HERC3: variants seen among roughly 807,000 people sequenced by gnomAD.
HERC3 encodes the protein probable E3 ubiquitin-protein ligase HERC3.
In HERC3, 58 loss-of-function variants were observed where a neutral mutation model predicts 129.9. The observed-to-expected ratio is 0.45, with a 90% confidence interval of 0.36 to 0.56. HERC3 has a LOEUF of 0.56. Among genes scored for constraint, HERC3 ranks in the 20% least tolerant of loss-of-function variants. HERC3 has a pLI of 0.00. For synonymous variants in HERC3, 430 were observed against 451.0 expected (o/e 0.95, Z 0.59); for missense variants, 835 against 1,244.2 (o/e 0.67, Z 4.95).
the HERC3 span, among the ~76,000 whole-genome samples, chr4:88,545,430 CT>C: frequency 5.8e-3 from 635 of 110,396 alleles, 5 homozygotes; most frequent in East Asian, 0.021. Flanking sequence ...TTTGAGAATT[CT>C]TTTTTTTTTT....
intron 2 of HERC3, among the ~76,000 whole-genome samples, chr4:88,603,099 AC>A (rs1174244706): frequency 3.3e-5 from 5 of 152,082 alleles, no homozygotes; most frequent in Non-Finnish European, 7.4e-5. Flanking sequence ...AGTGTTAGAC[AC>A]CACTGTTCTC....
chr4:88,654,335 T>A (rs1729609636), intron 7 of HERC3, among the ~76,000 whole-genome samples: 1 of 138,266 alleles, frequency 7.2e-6, no homozygotes, highest in African/African-American at 2.7e-5. Flanking sequence ...TCTTTGGTAA[T>A]CTTGTAGATT....
chr4:88,566,071 C>G, the HERC3 span, among the ~76,000 whole-genome samples: 3 of 151,994 alleles, frequency 2.0e-5, no homozygotes, highest in Non-Finnish European at 4.4e-5. Flanking sequence ...TATTTCATCA[C>G]CCATGTATTA....
intron 10 of HERC3, 123 bp from the exon 11 acceptor site, chr4:88,662,308 C>T (rs771643165): frequency 2.1e-5 from 19 of 920,856 alleles, no homozygotes; most frequent in Middle Eastern, 3.1e-4. Flanking sequence ...GGGATCTGGG[C>T]GGCACACTGC....
At chr4:88,582,473 G>C in the HERC3 span, among the ~76,000 whole-genome samples, 1 of 152,116 alleles carries the variant, frequency 6.6e-6, no homozygotes. Flanking sequence ...CTGACCTGCT[G>C]TTCCCCATCT....
At chr4:88,601,208 T>C (rs1722924903) in intron 2 of HERC3, among the ~76,000 whole-genome samples, 1 of 152,244 alleles carries the variant, frequency 6.6e-6, no homozygotes, top group African/African-American at 2.4e-5. Context: ...TTCAGTTTTA[T>C]ATTTTATTTT....
At chr4:88,642,929 A>T (rs28889966) in intron 3 of HERC3, among the ~76,000 whole-genome samples, 5,694 of 151,690 alleles carry the variant, frequency 0.038, 130 homozygotes, top group Middle Eastern at 0.12. Flanking sequence ...TGTGGGTGGC[A>T]GGGGGAAGCA....
intron 3 of HERC3, among the ~76,000 whole-genome samples, chr4:88,625,350 T>G (rs1725979948): frequency 6.6e-6 from 1 of 152,150 alleles, no homozygotes; most frequent in Non-Finnish European, 1.5e-5. Context: ...CTCTATATTT[T>G]AGGTCTTCTT....
At chr4:88,677,083 C>T (rs751371159) in intron 18 of HERC3, among the ~76,000 whole-genome samples, 1 of 151,656 alleles carries the variant, frequency 6.6e-6, no homozygotes, top group African/African-American at 2.4e-5. Flanking sequence ...TTCAGTGAGC[C>T]GAGATTGCGC....
intron 12 of HERC3, 36 bp from the exon 13 acceptor site, chr4:88,667,341 C>G (rs1190323884): frequency 3.4e-6 from 4 of 1,192,542 alleles, no homozygotes; most frequent in Non-Finnish European, 4.8e-6. Context: ...TTTGCTTTTT[C>G]TTTTATTATA....
the HERC3 span, among the ~76,000 whole-genome samples, chr4:88,548,532 G>A: frequency 2.0e-5 from 3 of 151,736 alleles, no homozygotes; most frequent in East Asian, 3.9e-4. Context: ...TCCTTTGCAC[G>A]TTTTTCAATT....
intron 23 of HERC3, chr4:88,697,050 A>G (rs914289051): frequency 1.5e-6 from 1 of 659,124 alleles, no homozygotes; most frequent in Non-Finnish European, 2.4e-6. Flanking sequence ...GCCAGGATCT[A>G]ATTGCTTTAA....
chr4:88,636,404 A>G (rs1414410436), intron 3 of HERC3, among the ~76,000 whole-genome samples: 2 of 152,204 alleles, frequency 1.3e-5, no homozygotes, highest in Admixed American at 1.3e-4. Context: ...GACAAAGGGC[A>G]TTACGTAATG....
the HERC3 span, among the ~76,000 whole-genome samples, chr4:88,530,285 G>A: frequency 4.0e-5 from 6 of 150,208 alleles, no homozygotes; most frequent in East Asian, 5.8e-4. Flanking sequence ...GTGAGATTCC[G>A]TCTCCAAAAG....
At chr4:88,576,003 GT>G in the HERC3 span, among the ~76,000 whole-genome samples, 3 of 152,084 alleles carry the variant, frequency 2.0e-5, no homozygotes, top group Non-Finnish European at 2.9e-5. Context: ...TTCCTCAATC[GT>G]TTTGACCTTA....
At chr4:88,611,921 A>G (rs1724372364) in intron 3 of HERC3, among the ~76,000 whole-genome samples, 1 of 152,182 alleles carries the variant, frequency 6.6e-6, no homozygotes, top group Non-Finnish European at 1.5e-5. Flanking sequence ...GAGCCACATA[A>G]TCTGACCTTC....
At chr4:88,651,985 T>G in intron 4 of HERC3, 27 bp from the exon 5 acceptor site, 2 of 1,481,674 alleles carry the variant, frequency 1.3e-6, no homozygotes, top group Non-Finnish European at 1.9e-6. Flanking sequence ...AATATCTATC[T>G]GAAAAAGAAA....
intron 16 of HERC3, among the ~76,000 whole-genome samples, chr4:88,674,356 T>TATGTACTTA (rs1459184742): frequency 1.3e-5 from 2 of 152,204 alleles, no homozygotes; most frequent in Non-Finnish European, 2.9e-5. Flanking sequence ...AAAATGTCAG[T>TATGTACTTA]ATGTACTTAA....
At chr4:88,596,192 G>A (rs914871928) in intron 2 of HERC3, among the ~76,000 whole-genome samples, 1 of 152,156 alleles carries the variant, frequency 6.6e-6, no homozygotes, top group Admixed American at 6.5e-5. Context: ...GGCCTCTGAA[G>A]GCCTTAGCTG....
Sources: gnomAD v4.1 joint callset for allele counts (sites outside exome capture counted in the v4.1 genomes callset) on GRCh38, gnomAD v4.1.1 for gene constraint, MANE v1.5 for transcripts, NCBI Gene and HGNC (gene_info 2026-07-23, HGNC 2026-07-21) for gene names.